Variants in ANK3 observed in about 807,000 individuals in gnomAD.
ANK3 encodes the protein ankyrin 3.
Under a neutral mutation model 370.9 loss-of-function variants are expected in ANK3, and 57 were observed. The observed-to-expected ratio is 0.15, with a 90% CI of 0.12 to 0.19. ANK3 has a LOEUF of 0.19. Among genes scored for constraint, ANK3 ranks in the 10% least tolerant of loss-of-function variants. The pLI is 1.00. For synonymous variants in ANK3, 1,929 were observed against 1,946.3 expected (o/e 0.99, Z 0.23); for missense variants, 4,439 against 5,302.1 (o/e 0.84, Z 5.06).
intron 42 of ANK3, among the ~76,000 whole-genome samples, chr10:60,054,625 A>G (rs1260152228): frequency 1.3e-5 from 2 of 152,220 alleles, no homozygotes; most frequent in African/African-American, 4.8e-5. Flanking sequence ...AAAGGATGTG[A>G]TTACTGATAA....
rs1565914679 is a variant in ANK3, at chr10:60,240,125, T to TATATATACACAC, written c.799-5340_799-5339insGTGTGTATATAT. On this transcript the variant is annotated intron_variant, in intron 7 of 43. Coordinates refer to ENST00000280772, the MANE Select transcript of ANK3 (RefSeq NM_020987.5). Reference sequence around the variant, plus strand: ...ACATAAATACATATATATACACACATATATATACATATATATACACATATA... The same window carrying TATATATACACAC: ...ACATAAATACATATATATACACACATATATATACACACATATATACATATATATACACATATA... Among the ~76,000 whole-genome samples the TATATATACACAC allele has an allele frequency of 9.8e-4, 91 of 92,862 alleles. 1 individual carries two copies. The highest frequency in any genetic ancestry group is 3.6e-3 in the African/African-American group (88 of 24,364). 60.9% of individuals were successfully genotyped at this position (92,862 alleles called of 152,430 possible).
intron 28 of ANK3, among the ~76,000 whole-genome samples, chr10:60,090,282 A>T (rs2087921661): frequency 6.6e-6 from 1 of 151,886 alleles, no homozygotes; most frequent in Non-Finnish European, 1.5e-5. Context: ...CACGCCACTC[A>T]CTCCATCCTG....
chr10:60,549,260 A>G (rs986849393), intron 2 of ANK3, among the ~76,000 whole-genome samples: 6 of 152,136 alleles, frequency 3.9e-5, no homozygotes, highest in Admixed American at 3.9e-4. Context: ...ATATTTAATA[A>G]CATTGAAATA....
At chr10:60,498,375 T>C (rs2075713146) in intron 2 of ANK3, among the ~76,000 whole-genome samples, 2 of 152,186 alleles carry the variant, frequency 1.3e-5, no homozygotes, top group African/African-American at 4.8e-5. Flanking sequence ...TTTTATCTTT[T>C]GACTTCATGA....
intron 23 of ANK3, 55 bp from the exon 24 acceptor site, chr10:60,139,142 C>A: frequency 6.3e-7 from 1 of 1,588,738 alleles, no homozygotes. Flanking sequence ...AAAGTGTCAG[C>A]TGTGGAGAAA....
At chr10:60,245,252 AATTTTCTTAAGAGTATAAAAACAT>A (rs1445817692) in intron 7 of ANK3, among the ~76,000 whole-genome samples, 1 of 152,098 alleles carries the variant, frequency 6.6e-6, no homozygotes, top group Admixed American at 6.5e-5. Context: ...TGTTCCCTTT[AATTTTCTTAAGAGTATAAAAACAT>A]ATTTTCTGTA....
At chr10:60,660,958 C>T (rs2078928738) in intron 1 of ANK3, among the ~76,000 whole-genome samples, 1 of 151,438 alleles carries the variant, frequency 6.6e-6, no homozygotes, top group Non-Finnish European at 1.5e-5. Flanking sequence ...AGACATAACA[C>T]ATAATGTACA....
At chr10:60,394,303 T>C (rs75392863), upstream of ANK3, among the ~76,000 whole-genome samples, 279 of 152,014 alleles carry the variant, frequency 1.8e-3, no homozygotes, top group Middle Eastern at 3.4e-3. Context: ...CAGTCTCATA[T>C]TATTTTTCAC....
At chr10:60,065,853 T>C (rs2081535796) in intron 38 of ANK3, among the ~76,000 whole-genome samples, 1 of 152,206 alleles carries the variant, frequency 6.6e-6, no homozygotes, top group Admixed American at 6.5e-5. Flanking sequence ...GAACCACAGT[T>C]AGAAAACCAC....
At chr10:60,295,141 T>C (rs1261109146) in intron 1 of ANK3, among the ~76,000 whole-genome samples, 1 of 152,196 alleles carries the variant, frequency 6.6e-6, no homozygotes, top group African/African-American at 2.4e-5. Context: ...GTTTTCTAAG[T>C]ATTTGCAGAT....
intron 2 of ANK3, among the ~76,000 whole-genome samples, chr10:60,504,038 T>C (rs529809203): frequency 2.0e-5 from 3 of 152,156 alleles, no homozygotes; most frequent in South Asian, 2.1e-4. Flanking sequence ...AATACAAAAG[T>C]ATAAGAGGGA....
At chr10:60,038,124 C>T (rs2075433968) in intron 43 of ANK3, among the ~76,000 whole-genome samples, 1 of 152,196 alleles carries the variant, frequency 6.6e-6, no homozygotes, top group African/African-American at 2.4e-5. Flanking sequence ...TGGCTGGGCA[C>T]AGTGGCTCAC....
chr10:60,201,685 C>T (rs2096676090), intron 12 of ANK3, among the ~76,000 whole-genome samples: 1 of 150,578 alleles, frequency 6.6e-6, no homozygotes, highest in African/African-American at 2.4e-5. Flanking sequence ...GAGAGACTAC[C>T]TTGAAGTTAG....
intron 1 of ANK3, among the ~76,000 whole-genome samples, chr10:60,309,706 G>A: frequency 6.6e-6 from 1 of 151,994 alleles, no homozygotes. Context: ...AAATACTTGT[G>A]ATTAAAGAAA....
chr10:60,705,048 G>C (rs188744365), intron 1 of ANK3, among the ~76,000 whole-genome samples: 2 of 152,156 alleles, frequency 1.3e-5, no homozygotes, highest in African/African-American at 4.8e-5. Context: ...AAAAATAAAT[G>C]AATTACTTAA....
intron 2 of ANK3, among the ~76,000 whole-genome samples, chr10:60,515,080 T>C (rs968810722): frequency 3.3e-5 from 5 of 152,272 alleles, no homozygotes; most frequent in African/African-American, 1.2e-4. Flanking sequence ...TAATAATATG[T>C]AGGAATACTA....
intron 7 of ANK3, among the ~76,000 whole-genome samples, chr10:60,250,612 T>G (rs535724458): frequency 1.6e-4 from 25 of 152,208 alleles, no homozygotes; most frequent in East Asian, 5.8e-4. Flanking sequence ...TGATCTGCCC[T>G]CCTTGGCCTC....
chr10:60,710,845 G>A (rs777091173), intron 1 of ANK3, among the ~76,000 whole-genome samples: 32 of 152,184 alleles, frequency 2.1e-4, no homozygotes, highest in Admixed American at 3.9e-4. Context: ...CTGAAAACCA[G>A]GTGTATCAAG....
intron 21 of ANK3, among the ~76,000 whole-genome samples, chr10:60,169,324 T>C (rs1413924071): frequency 1.3e-5 from 2 of 151,716 alleles, no homozygotes; most frequent in East Asian, 3.9e-4. Context: ...TTTTGCAGTA[T>C]ACTAGTCAGA....
Sources: gnomAD v4.1 joint callset for allele counts (sites outside exome capture counted in the v4.1 genomes callset) on GRCh38, gnomAD v4.1.1 for gene constraint, MANE v1.5 for transcripts, NCBI Gene and HGNC (gene_info 2026-07-23, HGNC 2026-07-21) for gene names.